PHF20: variants seen among roughly 807,000 people sequenced by gnomAD.
PHF20 encodes glioma-expressed antigen 2.
A neutral mutation model predicts 113.5 loss-of-function variants in PHF20; 23 were observed. That is an observed-to-expected ratio of 0.20 (90% CI 0.15 to 0.29). The LOEUF (loss-of-function observed/expected upper bound fraction) is 0.29, where lower values mean the gene tolerates loss of function less well. PHF20 is among the 10% of genes least tolerant of loss of function. The pLI is 1.00. For missense variants in PHF20, 943 were observed against 1,219.6 expected (o/e 0.77, Z 3.38); for synonymous variants, 434 against 457.3 (o/e 0.95, Z 0.65).
chr20:35,900,316 A>G (rs2055070352), intron 10 of PHF20, among the ~76,000 whole-genome samples: 1 of 152,194 alleles, frequency 6.6e-6, no homozygotes, highest in South Asian at 2.1e-4. Context: ...TTGCTATTGT[A>G]ATATCACTAC....
At chr20:35,790,267 C>T (rs1374545108) in intron 1 of PHF20, among the ~76,000 whole-genome samples, 1 of 151,726 alleles carries the variant, frequency 6.6e-6, no homozygotes, top group Non-Finnish European at 1.5e-5. Flanking sequence ...ATGGTGTGAT[C>T]CCGGCTCACT....
In PHF20 at chr20:35,940,919, T is replaced by C. The variant is rs1465397386; in HGVS notation, c.2768T>C (p.Leu923Pro). 1 of 1,614,166 alleles carries C rather than the reference T, an allele frequency of 6.2e-7. No individual in the cohort carries two copies. Among genetic ancestry groups the C allele is most frequent in the African/African-American group, 1.3e-5 (1 of 75,046 alleles). The part of the protein sequence containing the change: ...ALPEEAPARK[L>P]LDRGGEGLLS... ...CCAGAAGAAGCCCCTGCTCGGAAGC[T>C]GCTGGACAGAGGTGGAGAGGGGCTG... Residue 923 changes from leucine to proline, a missense_variant, in exon 17 of 18, where the codon CTG becomes CCG. Transcript: ENST00000374012.
At chr20:35,802,201 T>C (rs6060611) in intron 2 of PHF20, among the ~76,000 whole-genome samples, 5 of 152,274 alleles carry the variant, frequency 3.3e-5, no homozygotes, top group African/African-American at 1.2e-4. Flanking sequence ...CATAGGGTTA[T>C]TCTGAGAATC....
At chr20:35,794,178 G>C (rs564449232) in intron 1 of PHF20, among the ~76,000 whole-genome samples, 1 of 151,252 alleles carries the variant, frequency 6.6e-6, no homozygotes. Context: ...GCACATACCT[G>C]TAATCCTAGC....
At chr20:35,821,494 T>G (rs898244994) in intron 2 of PHF20, among the ~76,000 whole-genome samples, 1 of 80,704 alleles carries the variant, frequency 1.2e-5, no homozygotes, top group East Asian at 3.4e-4. Flanking sequence ...CTACCAAAAA[T>G]ACAAAAAAAA....
At chr20:35,797,655 CTTT>C (rs1183705992) in intron 1 of PHF20, among the ~76,000 whole-genome samples, 2 of 137,534 alleles carry the variant, frequency 1.5e-5, no homozygotes, top group Admixed American at 7.3e-5. Context: ...TGTTTTTTGG[CTTT>C]TTTTTTTTTT....
intron 10 of PHF20, among the ~76,000 whole-genome samples, chr20:35,910,234 G>A (rs2055273489): frequency 2.0e-5 from 3 of 152,310 alleles, no homozygotes; most frequent in Middle Eastern, 3.4e-3. Flanking sequence ...GGAGTCAGAT[G>A]CAGGTTGGTG....
At chr20:35,932,428 A>AT (rs753265544) in intron 15 of PHF20, among the ~76,000 whole-genome samples, 11,565 of 104,542 alleles carry the variant, frequency 0.11, 1,094 homozygotes, top group South Asian at 0.16. Context: ...CATCTTAACC[A>AT]TTTTTTTTTT....
At chr20:35,894,000 A>G (rs1283227919) in intron 9 of PHF20, among the ~76,000 whole-genome samples, 3 of 152,246 alleles carry the variant, frequency 2.0e-5, no homozygotes, top group Admixed American at 2.0e-4. Flanking sequence ...CCTGCATTGT[A>G]TAGAGTATTA....
intron 1 of PHF20, among the ~76,000 whole-genome samples, chr20:35,796,057 T>C (rs2041661020): frequency 6.6e-6 from 1 of 152,038 alleles, no homozygotes; most frequent in South Asian, 2.1e-4. Flanking sequence ...TCACTATGTT[T>C]ACCTGGGTGG....
chr20:35,931,623 G>T lies in PHF20; in HGVS notation c.2300+179G>T, dbSNP rs1422467981. On this transcript the variant is annotated intron_variant, in intron 15 of 17. Transcript: ENST00000374012. ...TTTAAAAAAAAAAAAACTTTATTGA[G>T]TAATATCTTACATATAATTAGGTTC... is the stretch of plus-strand genomic sequence containing the variant. Among the ~76,000 whole-genome samples the T allele has an allele frequency of 2.0e-5, 3 of 151,964 alleles. 1 individual carries two copies. The East Asian group carries it at 5.8e-4, about 29-fold the overall frequency.
intron 9 of PHF20, among the ~76,000 whole-genome samples, chr20:35,881,721 A>T (rs768896159): frequency 6.6e-6 from 1 of 152,128 alleles, no homozygotes; most frequent in Non-Finnish European, 1.5e-5. Context: ...TTTTTTGGGC[A>T]ATTGAAAAAA....
chr20:35,930,046 G>A (rs1256655654), intron 14 of PHF20, among the ~76,000 whole-genome samples: 1 of 152,204 alleles, frequency 6.6e-6, no homozygotes, highest in African/African-American at 2.4e-5. Context: ...ATGTTGATAA[G>A]TCACATGTGC....
chr20:35,845,781 T>C (rs1394275663), intron 3 of PHF20, among the ~76,000 whole-genome samples: 1 of 90,604 alleles, frequency 1.1e-5, no homozygotes, highest in African/African-American at 4.8e-5. Context: ...TTTTTCTTTC[T>C]TTTTTTTTTT....
intron 1 of PHF20, among the ~76,000 whole-genome samples, chr20:35,781,120 G>A (rs935330180): frequency 6.6e-6 from 1 of 151,732 alleles, no homozygotes; most frequent in Non-Finnish European, 1.5e-5. Context: ...AAAGTGCTGG[G>A]ATTACAGGCG....
chr20:35,843,321 C>G (rs2042564415), intron 3 of PHF20, among the ~76,000 whole-genome samples: 1 of 151,202 alleles, frequency 6.6e-6, no homozygotes, highest in South Asian at 2.1e-4. Flanking sequence ...AGTTTGAGAC[C>G]AGCCTGGCCA....
chr20:35,949,356 A>G lies in PHF20; in HGVS notation c.*1729A>G, dbSNP rs889874894. ...ATGGCTTTCTGTAGCCACACCTGTG[A>G]GGCGTGATGATTGTTGTATTATTAG... On this transcript the variant is annotated 3_prime_UTR_variant, in exon 18 of 18. Coordinates refer to ENST00000374012, the MANE Select transcript of PHF20 (RefSeq NM_016436.5). 1.3e-5 allele frequency: 2 copies of G among 152,664 alleles called. No individual in the cohort carries two copies. Among genetic ancestry groups the G allele is most frequent in the Non-Finnish European group, 2.9e-5 (2 of 68,048 alleles). 9.5% of individuals were successfully genotyped at this position (152,664 alleles called of 1,614,324 possible).
At chr20:35,898,578 A>T (rs113759686) in intron 9 of PHF20, among the ~76,000 whole-genome samples, 8,868 of 151,844 alleles carry the variant, frequency 0.058, 410 homozygotes, top group African/African-American at 0.13. Context: ...AGAATTACAG[A>T]TGTGCTCCAC....
At chr20:35,923,372 G>A (rs1473034110) in intron 13 of PHF20, among the ~76,000 whole-genome samples, 2 of 152,132 alleles carry the variant, frequency 1.3e-5, no homozygotes, top group Admixed American at 6.5e-5. Context: ...AGGCTGAAGC[G>A]GAAGGATCAC....
Sources: gnomAD v4.1 joint callset for allele counts (sites outside exome capture counted in the v4.1 genomes callset) on GRCh38, gnomAD v4.1.1 for gene constraint, MANE v1.5 for transcripts, NCBI Gene and HGNC (gene_info 2026-07-23, HGNC 2026-07-21) for gene names.